MEGF8: variants seen among roughly 807,000 people sequenced by gnomAD.
MEGF8 encodes the protein multiple epidermal growth factor-like domains protein 8.
MEGF8 carries 156 observed loss-of-function variants against 302.9 expected under a neutral mutation model. That is an observed-to-expected ratio of 0.52 (90% CI 0.45 to 0.59). The LOEUF is 0.59. Among genes scored for constraint, MEGF8 ranks in the 20% least tolerant of loss-of-function variants. MEGF8 has a pLI of 0.00. For missense variants in MEGF8, 3,345 were observed against 3,964.5 expected (o/e 0.84, Z 4.20); for synonymous variants, 1,621 against 1,660.5 (o/e 0.98, Z 0.58).
At position 42,363,052 on chromosome 19, in the gene MEGF8, G is replaced by A. The variant is rs758223781; in HGVS notation, c.6063G>A (p.Glu2021=). ...MWTRQFKRTG[E]TRRILSVQPT... ...ATCCCCGTGCCCCACCCCCAGGGGA[G>A]ACCCGCCGCATCCTCTCCGTGCAGC... is the stretch of plus-strand genomic sequence containing the variant. The change falls in exon 35 of 42, where the codon GAG becomes GAA. Residue 2021 remains glutamate (E), a synonymous_variant. Coordinates refer to ENST00000251268, the MANE Select transcript of MEGF8 (RefSeq NM_001271938.2). 3.7e-6 allele frequency: 6 copies of A among 1,611,550 alleles called. No homozygotes were observed. The South Asian group carries it at 6.6e-5, about 18-fold the overall frequency.
chr19:42,338,521 C>T (rs553819386), intron 8 of MEGF8, among the ~76,000 whole-genome samples: 78 of 152,322 alleles, frequency 5.1e-4, no homozygotes, highest in South Asian at 4.1e-4. Context: ...CGATTACAGG[C>T]GTGAGCCACT....
At chr19:42,331,978 C>A (rs932277438) in intron 1 of MEGF8, among the ~76,000 whole-genome samples, 1 of 151,864 alleles carries the variant, frequency 6.6e-6, no homozygotes, top group Non-Finnish European at 1.5e-5. Context: ...CCTGCCTCAG[C>A]CTCCTGAGTA....
intron 8 of MEGF8, among the ~76,000 whole-genome samples, chr19:42,340,637 C>T (rs777210919): frequency 1.1e-4 from 16 of 151,896 alleles, no homozygotes; most frequent in Non-Finnish European, 2.4e-4. Context: ...CCACCGTGCC[C>T]GGCCAGGCAT....
In MEGF8 at chr19:42,351,504, G is replaced by A. The variant is rs945988991; in HGVS notation, c.2931G>A (p.Leu977=). The A allele has an allele frequency of 6.2e-7, 1 of 1,607,490 alleles. No individual in the cohort carries two copies. The change falls in exon 17 of 42, where the codon CTG becomes CTA. Residue 977 remains leucine, a synonymous_variant. Coordinates refer to ENST00000251268, the MANE Select transcript of MEGF8 (RefSeq NM_001271938.2). This position sits in a 1 kb window ranked among gnomAD's most constrained non-coding sequence, Gnocchi z 5.6. ...AWCQSTHTCF[L]FAAYLARYPH... The stretch of plus-strand genomic sequence containing the variant: ...GCCAGTCCACCCACACCTGCTTCCT[G>A]TTTGCTGCCTACTTGGCCCGGTACC...
In MEGF8 at chr19:42,344,404, A is replaced by C; in HGVS notation, c.1789-37A>C. 1 of 1,545,096 alleles carries C rather than the reference A, an allele frequency of 6.5e-7. No homozygotes were observed. The highest frequency in any genetic ancestry group is 8.7e-7 in the Non-Finnish European group (1 of 1,151,226). ...TTCCTTCCCAGATCTCTTGAGCTCC[A>C]GTTGACAGTGAGCCCTTTCCCCTCT... On this transcript the variant is annotated intron_variant, in intron 10 of 41. Coordinates refer to ENST00000251268, the MANE Select transcript of MEGF8 (RefSeq NM_001271938.2). This position sits in a 1 kb window ranked among gnomAD's most constrained non-coding sequence, Gnocchi z 4.5.
chr19:42,328,615 TA>T (rs1382116174), intron 1 of MEGF8, among the ~76,000 whole-genome samples: 1 of 147,730 alleles, frequency 6.8e-6, no homozygotes, highest in African/African-American at 2.6e-5. Context: ...GTGCTGGATA[TA>T]AATCACTCTC....
chr19:42,344,754 C>A lies in MEGF8; in HGVS notation c.2018C>A (p.Ala673Asp). ...PAPVFVTSLE[A>D]CVTQSFLPGL... ...CCTGTCTTCGTCACGTCCCTGGAGG[C>A]CTGCGTCACCCAGAGCTTCCTGCCT... Residue 673 changes from alanine to aspartate, a missense_variant, in exon 12 of 42, where the codon GCC becomes GAC. Physicochemically the swap from Ala to Asp is moderately radical, Grantham distance 126. Transcript: ENST00000251268. The surrounding 1 kb of genome is among the most constrained non-coding windows in gnomAD (Gnocchi z 4.5). 6.2e-7 allele frequency: 1 copy of A among 1,612,202 alleles called. No individual in the cohort carries two copies.
chr19:42,328,158 G>A (rs550377692), intron 1 of MEGF8, among the ~76,000 whole-genome samples: 50 of 152,310 alleles, frequency 3.3e-4, no homozygotes, highest in African/African-American at 1.0e-3. Flanking sequence ...GGAGCCAGCA[G>A]GTGTAGGGCT....
Position 42,351,051 on chromosome 19 carries a change from G to A in MEGF8, c.2737-165G>A. ...GTGGGTGCTGGGCGGGCCGACCCAT[G>A]GGTGTCTGTGGTCGAAGGGAGGGGT... On this transcript the variant is annotated intron_variant, in intron 15 of 41. Coordinates refer to ENST00000251268, the MANE Select transcript of MEGF8 (RefSeq NM_001271938.2). The surrounding 1 kb of genome is among the most constrained non-coding windows in gnomAD (Gnocchi z 5.6). 2 of 652,180 alleles carry A rather than the reference G, an allele frequency of 3.1e-6. No homozygotes were observed. Among genetic ancestry groups the A allele is most frequent in the Non-Finnish European group, 5.4e-6 (2 of 372,584 alleles). 40.4% of individuals were successfully genotyped at this position (652,180 alleles called of 1,614,324 possible). A position where few individuals can be genotyped will look rare whatever the true frequency, so the allele number is the denominator to read the frequency against.
Position 42,358,992 on chromosome 19 carries a change from AG to A in MEGF8, c.5343+45del, listed in dbSNP as rs758311264. On this transcript the variant is annotated intron_variant, in intron 30 of 41. Coordinates refer to ENST00000251268, the MANE Select transcript of MEGF8 (RefSeq NM_001271938.2). This position sits in a 1 kb window ranked among gnomAD's most constrained non-coding sequence, Gnocchi z 4.4. ...GAGGGTTAGGATTGGGTGGGCTGGT[AG>A]GGGGGGATAGGTAGGGAAGTACAGG... The A allele has an allele frequency of 1.7e-5, 26 of 1,510,874 alleles. No individual in the cohort carries two copies. The highest frequency in any genetic ancestry group is 2.0e-5 in the Non-Finnish European group (22 of 1,098,374). The allele number at this position is 1,510,874 out of a possible 1,614,324, so 93.6% of individuals were successfully genotyped here.
In MEGF8 at chr19:42,359,087, CT is replaced by C; in HGVS notation, c.5344-10del. On this transcript the variant is annotated splice_polypyrimidine_tract_variant and intron_variant, in intron 30 of 41. Transcript: ENST00000251268. ...GCTGTCCTGTCCCCCCACCCCCCGT[CT>C]CCCCAACAGCCCCGCCCCCGGCTTT... The C allele has an allele frequency of 6.8e-7, 1 of 1,476,594 alleles. No homozygotes were observed. The highest frequency in any genetic ancestry group is 9.1e-7 in the Non-Finnish European group (1 of 1,096,228). 91.5% of individuals were successfully genotyped at this position (1,476,594 alleles called of 1,614,324 possible).
In MEGF8 at chr19:42,351,056, T is replaced by A; in HGVS notation, c.2737-160T>A. ...TGCTGGGCGGGCCGACCCATGGGTG[T>A]CTGTGGTCGAAGGGAGGGGTCCAGA... On this transcript the variant is annotated intron_variant, in intron 15 of 41. Transcript: ENST00000251268. The surrounding 1 kb of genome is among the most constrained non-coding windows in gnomAD (Gnocchi z 5.6). 1.5e-6 allele frequency: 1 copy of A among 659,642 alleles called. No homozygotes were observed. Among genetic ancestry groups the A allele is most frequent in the South Asian group, 1.9e-5 (1 of 51,440 alleles). 40.9% of individuals were successfully genotyped at this position (659,642 alleles called of 1,614,324 possible). A position where few individuals can be genotyped will look rare whatever the true frequency, so the allele number is the denominator to read the frequency against.
In MEGF8 at chr19:42,336,176, C is replaced by G. The variant is rs998981256; in HGVS notation, c.1074C>G (p.Leu358=). ...YVSGGRTPHD[L]FSSGLFRFRL... ...CTGGAGGCCGCACCCCGCACGACCT[C>G]TTCTCCTCTGGCCTCTTCCGTTTCC... The change falls in exon 6 of 42, where the codon CTC becomes CTG. Residue 358 remains leucine (L), a synonymous_variant. Coordinates refer to ENST00000251268, the MANE Select transcript of MEGF8 (RefSeq NM_001271938.2). This position sits in a 1 kb window ranked among gnomAD's most constrained non-coding sequence, Gnocchi z 4.8. 6.2e-7 allele frequency: 1 copy of G among 1,611,042 alleles called. No homozygotes were observed. Among genetic ancestry groups the G allele is most frequent in the Admixed American group, 1.7e-5 (1 of 60,022 alleles).
In MEGF8 at chr19:42,368,894, C is replaced by A. The variant is rs575829700; in HGVS notation, c.6533C>A (p.Pro2178His). The A allele has an allele frequency of 1.2e-6, 2 of 1,613,892 alleles. No individual in the cohort carries two copies. Among genetic ancestry groups the A allele is most frequent in the Non-Finnish European group, 1.7e-6 (2 of 1,179,880 alleles). The change falls in exon 37 of 42, where the codon CCT becomes CAT. Residue 2178 changes from proline to histidine, a missense_variant. Coordinates refer to ENST00000251268, the MANE Select transcript of MEGF8 (RefSeq NM_001271938.2). This position sits in a 1 kb window ranked among gnomAD's most constrained non-coding sequence, Gnocchi z 4.9. ...GASWAFLSCP[P>H]EDECANGHHD... ...TCCTGGGCCTTCCTGTCCTGCCCCC[C>A]TGAGGACGAGTGTGCAAACGGGCAC...
chr19:42,334,305 T>A (rs2039094198), intron 3 of MEGF8, 92 bp downstream of exon 3: 1 of 1,225,162 alleles, frequency 8.2e-7, no homozygotes, highest in Non-Finnish European at 1.1e-6. Flanking sequence ...TGCTCCTGCA[T>A]GAAACTCCCC....
chr19:42,368,613 G>C lies in MEGF8; in HGVS notation c.6432G>C (p.Gln2144His), dbSNP rs1037202811. The C allele has an allele frequency of 1.1e-5, 17 of 1,568,698 alleles. No individual in the cohort carries two copies. The African/African-American group carries it at 2.3e-4, about 21-fold the overall frequency. Residue 2144 changes from glutamine to histidine, a missense_variant, in exon 36 of 42, where the codon CAG becomes CAC. Gln to His is a conservative substitution (Grantham distance 24). Coordinates refer to ENST00000251268, the MANE Select transcript of MEGF8 (RefSeq NM_001271938.2). This position sits in a 1 kb window ranked among gnomAD's most constrained non-coding sequence, Gnocchi z 4.9. Reference protein sequence around the residue: ...PHCGWCAWGGQDGGGRCMEGG... With the variant: ...PHCGWCAWGGHDGGGRCMEGG... Reference sequence around the variant, plus strand: ...GCGGCTGGTGTGCCTGGGGGGGCCAGGATGGGGGTGGCCGCTGCATGGAGG... The same window carrying C: ...GCGGCTGGTGTGCCTGGGGGGGCCACGATGGGGGTGGCCGCTGCATGGAGG...
chr19:42,350,833 A>G (rs1237250688), intron 15 of MEGF8, among the ~76,000 whole-genome samples: 1 of 151,920 alleles, frequency 6.6e-6, no homozygotes, highest in African/African-American at 2.4e-5. Context: ...CCCCCACCCC[A>G]CCACCATCCA....
chr19:42,352,401 G>A lies in MEGF8; in HGVS notation c.3295G>A (p.Glu1099Lys), dbSNP rs772677118. 6.9e-6 allele frequency: 11 copies of A among 1,598,228 alleles called. No homozygotes were observed. The highest frequency in any genetic ancestry group is 6.7e-5 in the African/African-American group (5 of 74,672). Residue 1099 changes from glutamate to lysine, a missense_variant, in exon 19 of 42, where the codon GAG (glutamate) becomes AAG (lysine). Glu to Lys is a moderately conservative substitution (Grantham distance 56). Transcript: ENST00000251268. The surrounding 1 kb of genome is among the most constrained non-coding windows in gnomAD (Gnocchi z 4.4). Reference protein sequence around the residue: ...ATCLNTPLSYECHCQRGYQGD... With the variant: ...ATCLNTPLSYKCHCQRGYQGD... ...CTGCCTGAACACGCCCCTCAGCTAC[G>A]AGTGTCACTGCCAGCGGGGCTACCA...
chr19:42,349,441 C>A, intron 13 of MEGF8, 58 bp from the exon 14 acceptor site: 1 of 1,497,238 alleles, frequency 6.7e-7, no homozygotes, highest in South Asian at 1.2e-5. Context: ...TATCAGGGGT[C>A]TGAGGAAGGA....
Sources: gnomAD v4.1 joint callset for allele counts (sites outside exome capture counted in the v4.1 genomes callset) on GRCh38, gnomAD v4.1.1 for gene constraint, Gnocchi (gnomAD v3.1) non-coding constraint, MANE v1.5 for transcripts, NCBI Gene and HGNC (gene_info 2026-07-23, HGNC 2026-07-21) for gene names.